Variants in RIMS2 observed in about 807,000 individuals in gnomAD.
RIMS2 encodes the protein regulating synaptic membrane exocytosis 2, also known as regulating synaptic membrane exocytosis protein 2.
RIMS2 carries 59 observed loss-of-function variants against 174.4 expected under a neutral mutation model. That is an observed-to-expected ratio of 0.34 (90% CI 0.27 to 0.42). The LOEUF is 0.42. RIMS2 is among the 10% of genes least tolerant of loss of function. The pLI is 1.00. For missense variants in RIMS2, 1,620 were observed against 1,666.3 expected, an observed-to-expected ratio of 0.97 and a Z score of 0.48; for synonymous variants, 606 against 572.5, an observed-to-expected ratio of 1.06 and a Z score of -0.84.
chr8:103,769,854 C>T (rs1353572317), intron 3 of RIMS2, among the ~76,000 whole-genome samples: 1 of 152,148 alleles, frequency 6.6e-6, no homozygotes, highest in Non-Finnish European at 1.5e-5. Context: ...TGTATATCTT[C>T]TTTCCAAACC....
At chr8:104,044,162 G>T (rs1167777257) in intron 19 of RIMS2, among the ~76,000 whole-genome samples, 1 of 151,578 alleles carries the variant, frequency 6.6e-6, no homozygotes, top group East Asian at 1.9e-4. Flanking sequence ...GAAGCTGAGG[G>T]ATATATTGTA....
At chr8:103,870,135 G>GT (rs35075712) in intron 3 of RIMS2, among the ~76,000 whole-genome samples, 1,568 of 144,360 alleles carry the variant, frequency 0.011, 8 homozygotes, top group Non-Finnish European at 0.018. Context: ...AAGGACAGCT[G>GT]TTTTTTTTTT....
intron 19 of RIMS2, among the ~76,000 whole-genome samples, chr8:104,201,369 A>G (rs1473055130): frequency 6.6e-6 from 1 of 152,236 alleles, no homozygotes; most frequent in Non-Finnish European, 1.5e-5. Context: ...AGAACCATCA[A>G]AAAATTCTAA....
intron 10 of RIMS2, among the ~76,000 whole-genome samples, chr8:103,924,294 G>A (rs970910826): frequency 6.6e-6 from 1 of 151,554 alleles, no homozygotes; most frequent in Non-Finnish European, 1.5e-5. Flanking sequence ...CCCACATCAG[G>A]TATAGTGCTA....
chr8:103,594,969 A>G (rs534968467), intron 1 of RIMS2, among the ~76,000 whole-genome samples: 1 of 151,918 alleles, frequency 6.6e-6, no homozygotes, highest in East Asian at 1.9e-4. Flanking sequence ...ATTTTTGCCA[A>G]TGTTCATCTG....
intron 3 of RIMS2, among the ~76,000 whole-genome samples, chr8:103,772,709 A>G (rs976881056): frequency 2.0e-5 from 3 of 152,176 alleles, no homozygotes; most frequent in African/African-American, 7.2e-5. Context: ...TCAACACATT[A>G]TAAGTCTACA....
At chr8:103,921,988 T>G in intron 10 of RIMS2, 1 of 303,168 alleles carries the variant, frequency 3.3e-6, no homozygotes. Context: ...TTACTGAAAT[T>G]TAATAAAAGT....
intron 3 of RIMS2, among the ~76,000 whole-genome samples, chr8:103,818,744 A>T (rs1369597598): frequency 1.3e-5 from 2 of 152,162 alleles, no homozygotes; most frequent in African/African-American, 4.8e-5. Flanking sequence ...CAGATTCAAC[A>T]TTATCCACTT....
chr8:103,981,062 T>C (rs1422380056), intron 16 of RIMS2, among the ~76,000 whole-genome samples: 1 of 151,974 alleles, frequency 6.6e-6, no homozygotes, highest in Non-Finnish European at 1.5e-5. Flanking sequence ...GATTGTAGAG[T>C]CCTAGGACCT....
At chr8:103,589,358 C>G (rs920983894) in intron 1 of RIMS2, among the ~76,000 whole-genome samples, 2 of 151,442 alleles carry the variant, frequency 1.3e-5, no homozygotes, top group Non-Finnish European at 3.0e-5. Context: ...CAGAGAAATG[C>G]AAATGAAAAC....
chr8:104,226,105 A>G lies in RIMS2; in HGVS notation c.3335-18811A>G, dbSNP rs116168225. Among the ~76,000 whole-genome samples the G allele has an allele frequency of 4.5e-3, 691 of 152,258 alleles. 9 individuals carry two copies. The highest frequency in any genetic ancestry group is 0.016 in the African/African-American group (649 of 41,544). On this transcript the variant is annotated intron_variant, in intron 19 of 23. Transcript: ENST00000504942. Reference sequence around the variant, plus strand: ...TTAACATATTCAGGATTATGTTACTATTATCATAACTGTGAGACTCATTCA... The same window carrying G: ...TTAACATATTCAGGATTATGTTACTGTTATCATAACTGTGAGACTCATTCA...
At chr8:103,769,002 T>A in intron 3 of RIMS2, 1 of 340,742 alleles carries the variant, frequency 2.9e-6, no homozygotes, top group South Asian at 3.3e-5. Context: ...AAGCTTCTAC[T>A]TCTAAGTCTG....
chr8:104,245,555 C>T (rs1024263746), intron 20 of RIMS2, among the ~76,000 whole-genome samples: 1 of 152,100 alleles, frequency 6.6e-6, no homozygotes, highest in Admixed American at 6.5e-5. Flanking sequence ...CTTGGGGAGC[C>T]TTTTACATAG....
chr8:104,113,983 T>G (rs2098239015), intron 19 of RIMS2, among the ~76,000 whole-genome samples: 1 of 152,008 alleles, frequency 6.6e-6, no homozygotes, highest in Non-Finnish European at 1.5e-5. Flanking sequence ...TGTCTTTTCA[T>G]AATCTATTTT....
chr8:104,115,693 C>T (rs900646783), intron 19 of RIMS2, among the ~76,000 whole-genome samples: 1 of 151,968 alleles, frequency 6.6e-6, no homozygotes, highest in African/African-American at 2.4e-5. Context: ...ACTTAAAGAC[C>T]TAAAGGGGCC....
intron 2 of RIMS2, among the ~76,000 whole-genome samples, chr8:103,707,511 G>A (rs1286162555): frequency 1.3e-5 from 2 of 152,174 alleles, no homozygotes; most frequent in African/African-American, 4.8e-5. Context: ...GCCCATGTGT[G>A]CTGCAAATCC....
intron 1 of RIMS2, among the ~76,000 whole-genome samples, chr8:103,636,912 T>C (rs1001221058): frequency 6.6e-6 from 1 of 151,518 alleles, no homozygotes; most frequent in Non-Finnish European, 1.5e-5. Flanking sequence ...AGGAAAGTTC[T>C]CACCCAAGTT....
chr8:103,921,711 C>G (rs1373870807), exon 10 of RIMS2: 1 of 1,571,094 alleles, frequency 6.4e-7, no homozygotes, highest in Non-Finnish European at 8.8e-7. Flanking sequence ...GATCGTCCTT[C>G]TATTTCTGTT....
intron 1 of RIMS2, among the ~76,000 whole-genome samples, chr8:103,676,447 C>T (rs1227055647): frequency 6.6e-6 from 1 of 152,132 alleles, no homozygotes; most frequent in South Asian, 2.1e-4. Context: ...TGAGGGCCTA[C>T]CTTTTATAAA....
Sources: gnomAD v4.1 joint callset for allele counts (sites outside exome capture counted in the v4.1 genomes callset) on GRCh38, gnomAD v4.1.1 for gene constraint, MANE v1.5 for transcripts, NCBI Gene and HGNC (gene_info 2026-07-23, HGNC 2026-07-21) for gene names.